CDKAL1: variants seen among roughly 807,000 people sequenced by gnomAD.
CDKAL1 encodes the protein CDKAL1 threonylcarbamoyladenosine tRNA methylthiotransferase.
Under a neutral mutation model 68.2 loss-of-function variants are expected in CDKAL1, and 32 were observed. The ratio of observed to expected loss-of-function variants is 0.47; its 90% CI spans 0.35 to 0.63. The LOEUF is 0.63. Ranked by LOEUF, CDKAL1 falls within the 30% of genes least tolerant of loss-of-function variation. CDKAL1 has a pLI of 0.00. For missense variants in CDKAL1, 606 were observed against 696.7 expected, an observed-to-expected ratio of 0.87 and a Z score of 1.47; for synonymous variants, 234 against 244.3, an observed-to-expected ratio of 0.96 and a Z score of 0.39.
chr6:20,590,771 G>A (rs542604211), intron 4 of CDKAL1, among the ~76,000 whole-genome samples: 32 of 152,242 alleles, frequency 2.1e-4, no homozygotes, highest in African/African-American at 7.5e-4. Context: ...GGGCATTTGG[G>A]TTGGTTCCTA....
chr6:20,921,549 G>T (rs1762958391), intron 9 of CDKAL1, among the ~76,000 whole-genome samples: 1 of 152,112 alleles, frequency 6.6e-6, no homozygotes, highest in Admixed American at 6.5e-5. Context: ...GTAACCTAAG[G>T]TACTTTTCTT....
intron 11 of CDKAL1, among the ~76,000 whole-genome samples, chr6:21,014,774 C>CA (rs1404315317): frequency 6.6e-6 from 1 of 152,090 alleles, no homozygotes; most frequent in Non-Finnish European, 1.5e-5. Context: ...CATATGGTGA[C>CA]AAAGTTTTCA....
At chr6:20,595,147 T>C (rs1025517503) in intron 4 of CDKAL1, among the ~76,000 whole-genome samples, 3 of 152,174 alleles carry the variant, frequency 2.0e-5, no homozygotes, top group Non-Finnish European at 4.4e-5. Flanking sequence ...CGATTATGTG[T>C]CTTGGGGATG....
chr6:20,979,895 C>G lies in CDKAL1; in HGVS notation c.910-20332C>G, dbSNP rs140585743. Reference sequence around the variant, plus strand: ...CAAGCAATTCTCCTGCCTCAGCCTCCTAAGTAGCAGGGATTACAGGCATGC... The same window carrying G: ...CAAGCAATTCTCCTGCCTCAGCCTCGTAAGTAGCAGGGATTACAGGCATGC... On this transcript the variant is annotated intron_variant, in intron 10 of 15. Transcript: ENST00000274695. 3.0e-3 allele frequency among the ~76,000 whole-genome samples: 452 copies of G among 151,492 alleles called. 4 individuals are homozygous for G. The highest frequency in any genetic ancestry group is 9.4e-3 in the African/African-American group (390 of 41,296).
chr6:20,830,653 AC>A (rs1581662020), intron 8 of CDKAL1, among the ~76,000 whole-genome samples: 1 of 151,202 alleles, frequency 6.6e-6, no homozygotes, highest in East Asian at 1.9e-4. Flanking sequence ...CCTTTTCTCT[AC>A]CCCTTCTCCC....
chr6:20,587,073 A>G (rs1581771848), intron 4 of CDKAL1, among the ~76,000 whole-genome samples: 1 of 124,894 alleles, frequency 8.0e-6, no homozygotes, highest in South Asian at 2.4e-4. Flanking sequence ...TGCATCCTCT[A>G]CCTCCCGGGT....
At chr6:20,578,145 C>G (rs16883963) in intron 4 of CDKAL1, among the ~76,000 whole-genome samples, 2,511 of 152,186 alleles carry the variant, frequency 0.016, 68 homozygotes, top group African/African-American at 0.055. Context: ...TACAAAAAAT[C>G]GATACTGATG....
intron 6 of CDKAL1, among the ~76,000 whole-genome samples, chr6:20,746,152 C>A (rs1170251959): frequency 2.0e-5 from 3 of 152,146 alleles, no homozygotes; most frequent in Non-Finnish European, 4.4e-5. Flanking sequence ...TGGTACCAAT[C>A]CTCATTTTAC....
intron 9 of CDKAL1, among the ~76,000 whole-genome samples, chr6:20,853,970 A>G (rs1759186249): frequency 6.6e-6 from 1 of 152,210 alleles, no homozygotes; most frequent in South Asian, 2.1e-4. Flanking sequence ...CAAAGTCCAA[A>G]GGTACTTATT....
intron 15 of CDKAL1, among the ~76,000 whole-genome samples, chr6:21,215,781 G>A (rs1285847418): frequency 6.6e-6 from 1 of 152,170 alleles, no homozygotes; most frequent in African/African-American, 2.4e-5. Flanking sequence ...GGGACCTGTG[G>A]TAGGCAGAAT....
intron 11 of CDKAL1, among the ~76,000 whole-genome samples, chr6:21,010,770 G>C (rs1414714475): frequency 6.6e-6 from 1 of 152,102 alleles, no homozygotes; most frequent in African/African-American, 2.4e-5. Context: ...TTTTTTAAAA[G>C]GCTGAATCTC....
intron 9 of CDKAL1, among the ~76,000 whole-genome samples, chr6:20,935,444 T>C (rs1380007248): frequency 6.6e-6 from 1 of 151,928 alleles, no homozygotes; most frequent in Non-Finnish European, 1.5e-5. Context: ...TTTTTTTTTT[T>C]TGGAGACATA....
Position 21,230,856 on chromosome 6 carries a change from A to G in CDKAL1, c.1557A>G (p.Arg519=). ...TGTTTCTCTCTTTATAGGACTTCAG[A>G]AATGGGCTTGGGAACCAGCTGAGTT... ...GEVSGLTKDF[R]NGLGNQLSSG... The change falls in exon 16 of 16, where the codon AGA becomes AGG. Residue 519 remains arginine (R), a synonymous_variant. Coordinates refer to ENST00000274695, the MANE Select transcript of CDKAL1 (RefSeq NM_017774.3). 1 of 1,602,472 alleles carries G rather than the reference A, an allele frequency of 6.2e-7. No homozygotes were observed. Among genetic ancestry groups the G allele is most frequent in the Non-Finnish European group, 8.5e-7 (1 of 1,171,882 alleles).
chr6:20,793,836 A>AAT (rs149115711), intron 8 of CDKAL1, among the ~76,000 whole-genome samples: 3,724 of 147,500 alleles, frequency 0.025, 141 homozygotes, highest in African/African-American at 0.085. Context: ...GGTTATATAT[A>AAT]ATATATATAT....
intron 4 of CDKAL1, among the ~76,000 whole-genome samples, chr6:20,579,323 TG>T (rs773667324): frequency 1.3e-5 from 2 of 152,122 alleles, no homozygotes; most frequent in African/African-American, 2.4e-5. Flanking sequence ...TATACATGAA[TG>T]AAAGTATATT....
At chr6:21,049,572 G>A (rs1479000588) in intron 11 of CDKAL1, among the ~76,000 whole-genome samples, 2 of 151,930 alleles carry the variant, frequency 1.3e-5, no homozygotes, top group Non-Finnish European at 2.9e-5. Context: ...AATTTTTAAG[G>A]CAATATCTTT....
chr6:20,744,841 G>A (rs898192243), intron 6 of CDKAL1, among the ~76,000 whole-genome samples: 4 of 152,162 alleles, frequency 2.6e-5, no homozygotes, highest in African/African-American at 9.7e-5. Context: ...TAGTTTTTCT[G>A]TGTTATTAAC....
chr6:21,029,074 TCTCA>T (rs1769118620), intron 11 of CDKAL1, among the ~76,000 whole-genome samples: 1 of 152,072 alleles, frequency 6.6e-6, no homozygotes. Flanking sequence ...TTTGGCAGAG[TCTCA>T]CTCTGTTTCC....
chr6:21,107,378 C>T (rs892734343), intron 12 of CDKAL1, among the ~76,000 whole-genome samples: 2 of 152,118 alleles, frequency 1.3e-5, no homozygotes, highest in African/African-American at 4.8e-5. Context: ...CTCAAGAACA[C>T]GTCATTAGAA....
Sources: gnomAD v4.1 joint callset for allele counts (sites outside exome capture counted in the v4.1 genomes callset) on GRCh38, gnomAD v4.1.1 for gene constraint, MANE v1.5 for transcripts, NCBI Gene and HGNC (gene_info 2026-07-23, HGNC 2026-07-21) for gene names.